The following PDPR variants were observed in gnomAD, a reference collection of about 807,000 sequenced individuals.
The protein encoded by PDPR is pyruvate dehydrogenase phosphatase regulatory subunit.
In PDPR, 50 loss-of-function variants were observed where a neutral mutation model predicts 102.2. That is an observed-to-expected ratio of 0.49 (90% confidence interval 0.39 to 0.62). The LOEUF is 0.62. PDPR is among the 20% of genes least tolerant of loss of function. The pLI is 0.00. For missense variants in PDPR, 625 were observed against 1,098.2 expected (o/e 0.57, Z 6.09); for synonymous variants, 259 against 406.0 (o/e 0.64, Z 4.35).
intron 9 of PDPR, among the ~76,000 whole-genome samples, chr16:70,132,583 G>T (rs1171391269): frequency 2.0e-5 from 3 of 151,670 alleles, no homozygotes; most frequent in South Asian, 2.1e-4. Flanking sequence ...CTTGCTCCGT[G>T]CTCAGACTGG....
In PDPR at chr16:70,119,251, A is replaced by G. The variant is rs928810389; in HGVS notation, c.-32-1210A>G. Among the ~76,000 whole-genome samples the G allele has an allele frequency of 1.5e-4, 23 of 152,222 alleles. No individual in the cohort carries two copies. The South Asian group carries it at 2.1e-3, about 14-fold the overall frequency. On this transcript the variant is annotated intron_variant, in intron 2 of 18. Transcript: ENST00000288050. ...CAAGGTGGGAGGATCACTTGAGCCT[A>G]GGAAGTCAACTCTGTTTTTCTTATA...
chr16:70,130,283 A>C (rs566487332), intron 6 of PDPR, 140 bp from the exon 7 acceptor site: 1 of 1,077,908 alleles, frequency 9.3e-7, no homozygotes, highest in Admixed American at 2.8e-5. Context: ...GCAAGACTCC[A>C]TCTCAAAAAT....
intron 17 of PDPR, among the ~76,000 whole-genome samples, chr16:70,150,809 CCTTAT>C (rs1163711551): frequency 3.9e-5 from 6 of 152,210 alleles, no homozygotes; most frequent in African/African-American, 1.4e-4. Flanking sequence ...ACTACCCCGA[CCTTAT>C]TTATTACTAT....
intron 18 of PDPR, among the ~76,000 whole-genome samples, chr16:70,154,899 A>G (rs1458480275): frequency 6.6e-6 from 1 of 152,198 alleles, no homozygotes; most frequent in Non-Finnish European, 1.5e-5. Flanking sequence ...TCGGCCTCCC[A>G]GAGTGCTGGG....
At chr16:70,150,552 C>G (rs967575196) in intron 17 of PDPR, among the ~76,000 whole-genome samples, 5 of 17,932 alleles carry the variant, frequency 2.8e-4, no homozygotes, top group Non-Finnish European at 6.6e-4. Context: ...TTTTGTGAGA[C>G]AGGGCATTGC....
At chr16:70,149,060 A>G (rs1296754927) in intron 17 of PDPR, among the ~76,000 whole-genome samples, 3 of 151,488 alleles carry the variant, frequency 2.0e-5, no homozygotes, top group Non-Finnish European at 2.9e-5. Context: ...ATGCCTGGCT[A>G]ATTTTTGTAT....
In PDPR at chr16:70,156,684, C is replaced by G. The variant is rs1967244988; in HGVS notation, c.2445C>G (p.Gly815=). The G allele has an allele frequency of 3.1e-6, 5 of 1,613,912 alleles. No individual in the cohort carries two copies. The highest frequency in any genetic ancestry group is 1.7e-5 in the Admixed American group (1 of 60,008). ...SYSLERHVCL[G]FVHNFSEDTG... is the part of the protein sequence containing the mutation. ...GCCTGGAGCGCCACGTTTGCCTGGG[C>G]TTTGTGCACAATTTTTCTGAGGACA... Residue 815 remains glycine (G), a synonymous_variant, in exon 19 of 19, where the codon GGC becomes GGG. Coordinates refer to ENST00000288050, the MANE Select transcript of PDPR (RefSeq NM_017990.5).
intron 9 of PDPR, among the ~76,000 whole-genome samples, chr16:70,132,612 T>C (rs571877312): frequency 6.6e-6 from 1 of 152,224 alleles, no homozygotes; most frequent in African/African-American, 2.4e-5. Context: ...TGCACAATTA[T>C]AGCTCACTGC....
rs1248587872 is a variant in PDPR at position 70,128,826 on chromosome 16, A to G, written c.404A>G (p.Asp135Gly). The G allele has an allele frequency of 6.2e-7, 1 of 1,613,392 alleles. No individual in the cohort carries two copies. The highest frequency in any genetic ancestry group is 1.3e-5 in the African/African-American group (1 of 74,940). ...TCAATCTTTCTGGCCCAAACTCAGG[A>G]CCGACTGATCTCCCTGAAGCGCATC... ...TGSIFLAQTQDRLISLKRINA... is the reference protein window; with the variant it reads ...TGSIFLAQTQGRLISLKRINA... Residue 135 changes from aspartate to glycine, a missense_variant, in exon 5 of 19, where the codon GAC becomes GGC. Asp to Gly is a moderately conservative substitution (Grantham distance 94). This residue lies in a region of PDPR where 5 missense variants were observed against 92.5 expected (regional missense o/e 0.05). Coordinates refer to ENST00000288050, the MANE Select transcript of PDPR (RefSeq NM_017990.5).
At chr16:70,163,240 G>T (rs1327003509), downstream of PDPR, among the ~76,000 whole-genome samples, 3 of 152,134 alleles carry the variant, frequency 2.0e-5, no homozygotes, top group African/African-American at 7.2e-5. Context: ...GAGCCACTGT[G>T]CCTGGCCCAA....
At chr16:70,122,099 G>A (rs1486488065) in intron 3 of PDPR, among the ~76,000 whole-genome samples, 3 of 152,222 alleles carry the variant, frequency 2.0e-5, no homozygotes, top group African/African-American at 7.2e-5. Context: ...CAATTCTCCT[G>A]CCTCAGCCTC....
At chr16:70,124,027 C>T (rs1403273018) in intron 3 of PDPR, among the ~76,000 whole-genome samples, 1 of 151,620 alleles carries the variant, frequency 6.6e-6, no homozygotes, top group Non-Finnish European at 1.5e-5. Context: ...TGCACCCCAG[C>T]CTGGGCGACA....
intron 11 of PDPR, among the ~76,000 whole-genome samples, chr16:70,139,490 G>A (rs1391336435): frequency 3.3e-5 from 5 of 152,380 alleles, no homozygotes; most frequent in Middle Eastern, 3.4e-3. Flanking sequence ...TATTCTCAGA[G>A]CTTCAGGCTT....
rs1291813193 is a variant in PDPR at position 70,130,539 on chromosome 16, G to A, written c.724G>A (p.Gly242Ser). 2.5e-6 allele frequency: 4 copies of A among 1,613,900 alleles called. No individual in the cohort carries two copies. Among genetic ancestry groups the A allele is most frequent in the Non-Finnish European group, 2.5e-6 (3 of 1,179,882 alleles). ...IECQYFVNCA[G>S]QWAYELGLSN... is the part of the protein sequence containing the mutation. ...ATGCCAGTATTTTGTCAACTGTGCT[G>A]GCCAGGTAGGTCAGCACCAACACTG... Residue 242 changes from glycine (G) to serine (S), a missense_variant, in exon 7 of 19, where the codon GGC (glycine) becomes AGC (serine). This residue lies in a region of PDPR where 35 missense variants were observed against 63.5 expected (regional missense o/e 0.55). Transcript: ENST00000288050.
At chr16:70,155,326 G>A (rs1967025713) in intron 18 of PDPR, among the ~76,000 whole-genome samples, 1 of 152,182 alleles carries the variant, frequency 6.6e-6, no homozygotes, top group African/African-American at 2.4e-5. Flanking sequence ...TTGTTGTCCA[G>A]GCTGGAGTGC....
At chr16:70,121,146 C>T (rs10451115) in intron 3 of PDPR, among the ~76,000 whole-genome samples, 8,593 of 151,706 alleles carry the variant, frequency 0.057, 788 homozygotes, top group African/African-American at 0.2. Context: ...TGCATTTAAG[C>T]AAAGTAGACA....
At chr16:70,131,025 C>G (rs1235364664) in intron 7 of PDPR, among the ~76,000 whole-genome samples, 1 of 152,210 alleles carries the variant, frequency 6.6e-6, no homozygotes, top group Non-Finnish European at 1.5e-5. Flanking sequence ...GTAGCTGAGC[C>G]CAGGCGTTTT....
At chr16:70,141,318 G>T (rs531978905) in intron 11 of PDPR, among the ~76,000 whole-genome samples, 49 of 152,344 alleles carry the variant, frequency 3.2e-4, no homozygotes, top group African/African-American at 1.1e-3. Flanking sequence ...TCTCAGTGCT[G>T]GGTTTACAGA....
At chr16:70,139,064 T>C (rs1436010473) in intron 11 of PDPR, 41 bp downstream of exon 11, 1 of 1,540,552 alleles carries the variant, frequency 6.5e-7, no homozygotes, top group East Asian at 2.4e-5. Context: ...GTTGCAGGTA[T>C]CTTCTCGGTG....
Sources: gnomAD v4.1 joint callset for allele counts (sites outside exome capture counted in the v4.1 genomes callset) on GRCh38, gnomAD v4.1.1 for gene constraint, gnomAD v4.1.1 regional missense constraint, MANE v1.5 for transcripts, NCBI Gene and HGNC (gene_info 2026-07-23, HGNC 2026-07-21) for gene names.